The following LNX2 variants were observed in gnomAD, a reference collection of about 807,000 sequenced individuals.
The protein encoded by LNX2 is ligand of Numb protein X 2.
A neutral mutation model predicts 66.2 loss-of-function variants in LNX2; 35 were observed. The observed-to-expected ratio is 0.53, with a 90% CI of 0.40 to 0.70. LNX2 has a LOEUF of 0.70. Among genes scored for constraint, LNX2 ranks in the 30% least tolerant of loss-of-function variants. The probability of loss-of-function intolerance (pLI) is 0.00; values close to 1 mark genes in which losing one functional copy is unlikely to be tolerated. For missense variants in LNX2, 791 were observed against 850.8 expected (o/e 0.93, Z 0.87); for synonymous variants, 337 against 315.6 (o/e 1.07, Z -0.72).
intron 2 of LNX2, among the ~76,000 whole-genome samples, chr13:27,577,298 C>T (rs1955350115): frequency 6.6e-6 from 1 of 152,172 alleles, no homozygotes; most frequent in Admixed American, 6.5e-5. Flanking sequence ...TGCTTTTTCA[C>T]ACCATACATG....
Position 27,597,490 on chromosome 13 carries a change from GTA to G in LNX2, c.-100-15689_-100-15688del, listed in dbSNP as rs1490619666. 2.0e-5 allele frequency among the ~76,000 whole-genome samples: 3 copies of G among 152,244 alleles called. No individual in the cohort carries two copies. In the East Asian group the frequency reaches 5.8e-4, roughly 29 times the overall value. ...GAAATAGTTGATGCACTCTATGTGG[GTA>G]TATGCATGTAACGGGGGTGGATGGA... On this transcript the variant is annotated intron_variant, in intron 1 of 9. Coordinates refer to ENST00000316334, the MANE Select transcript of LNX2 (RefSeq NM_153371.4).
chr13:27,556,380 G>T lies in LNX2; in HGVS notation c.1402C>A (p.His468Asn). ...TGTGGTTCCTTCTTTACAGTAATGT[G>T]TTTTTCTTGGCATGTAACACACTGA... ...LTQCVTCQEK[H>N]ITVKKEPHES... The change falls in exon 7 of 10, where the codon CAC becomes AAC. Residue 468 changes from histidine (H) to asparagine (N), a missense_variant. By Grantham distance (68) the His-to-Asn change is moderately conservative (BLOSUM62 1). Coordinates refer to ENST00000316334, the MANE Select transcript of LNX2 (RefSeq NM_153371.4). The T allele has an allele frequency of 6.2e-7, 1 of 1,613,764 alleles. No homozygotes were observed. Among genetic ancestry groups the T allele is most frequent in the Non-Finnish European group, 8.5e-7 (1 of 1,179,898 alleles).
chr13:27,586,159 C>T (rs565421385), intron 1 of LNX2, among the ~76,000 whole-genome samples: 5 of 150,916 alleles, frequency 3.3e-5, no homozygotes, highest in African/African-American at 1.2e-4. Context: ...CTGTATCTGG[C>T]AAATCATAGG....
At position 27,581,402 on chromosome 13, in the gene LNX2, A is replaced by T. The variant is rs1566123791; in HGVS notation, c.302T>A (p.Ile101Asn). The change falls in exon 2 of 10, where the codon ATT becomes AAT. Residue 101 changes from isoleucine to asparagine, a missense_variant. Physicochemically the swap from Ile to Asn is moderately radical, Grantham distance 149. Transcript: ENST00000316334. ...LHFKLCKKSS[I>N]LVHKLLDKLL... The stretch of plus-strand genomic sequence containing the variant: ...TTTGTCTAGGAGTTTATGAACTAGA[A>T]TACTAGACTTCTTGCACAACTTAAA... The T allele has an allele frequency of 4.4e-6, 7 of 1,606,264 alleles. No homozygotes were observed. Among genetic ancestry groups the T allele is most frequent in the Non-Finnish European group, 6.0e-6 (7 of 1,174,186 alleles).
At chr13:27,571,088 T>C (rs1477049679) in intron 2 of LNX2, among the ~76,000 whole-genome samples, 1 of 152,014 alleles carries the variant, frequency 6.6e-6, no homozygotes, top group Non-Finnish European at 1.5e-5. Context: ...TACAGAAAAA[T>C]TATTTCACTC....
intron 4 of LNX2, among the ~76,000 whole-genome samples, chr13:27,565,969 T>C (rs938349751): frequency 6.6e-6 from 1 of 152,174 alleles, no homozygotes; most frequent in Non-Finnish European, 1.5e-5. Context: ...AGGAGATGGC[T>C]ATTCCCAACA....
At chr13:27,576,665 C>T (rs989464692) in intron 2 of LNX2, among the ~76,000 whole-genome samples, 5 of 151,358 alleles carry the variant, frequency 3.3e-5, no homozygotes, top group Non-Finnish European at 7.4e-5. Context: ...GTGGAGGCTG[C>T]AGTGAGCCAA....
intron 2 of LNX2, among the ~76,000 whole-genome samples, chr13:27,573,355 T>A (rs1197341115): frequency 6.6e-6 from 1 of 151,964 alleles, no homozygotes; most frequent in African/African-American, 2.4e-5. Context: ...GTTTCCTGTA[T>A]GACTGTGTGC....
chr13:27,602,947 A>G (rs1955675146), intron 1 of LNX2, among the ~76,000 whole-genome samples: 2 of 152,202 alleles, frequency 1.3e-5, no homozygotes, highest in African/African-American at 2.4e-5. Context: ...TGAGGTACAT[A>G]AGATATAGTG....
At chr13:27,551,175 T>C (rs184528382) in intron 8 of LNX2, among the ~76,000 whole-genome samples, 76 of 152,254 alleles carry the variant, frequency 5.0e-4, no homozygotes, top group African/African-American at 1.7e-3. Flanking sequence ...GTAGTCCCAG[T>C]TACTGGGAGG....
rs1162664433 is a variant in LNX2 at position 27,581,470 on chromosome 13, T to C, written c.234A>G (p.Leu78=). The part of the protein sequence containing the change: ...TFCYKCLRNF[L]QEKDFCPLDR... ...CCAACGGACAGAAATCTTTCTCTTGTAAAAAGTTTCTGAGGCACTTGTAGC... is the reference window on the plus strand; with the variant it reads ...CCAACGGACAGAAATCTTTCTCTTGCAAAAAGTTTCTGAGGCACTTGTAGC... Residue 78 remains leucine, a synonymous_variant, in exon 2 of 10, where the codon TTA becomes TTG. Coordinates refer to ENST00000316334, the MANE Select transcript of LNX2 (RefSeq NM_153371.4). 1 of 1,611,208 alleles carries C rather than the reference T, an allele frequency of 6.2e-7. No individual in the cohort carries two copies. Among genetic ancestry groups the C allele is most frequent in the African/African-American group, 1.3e-5 (1 of 74,850 alleles).
At chr13:27,586,094 T>C (rs1417814881) in intron 1 of LNX2, among the ~76,000 whole-genome samples, 4 of 145,192 alleles carry the variant, frequency 2.8e-5, no homozygotes, top group Non-Finnish European at 6.1e-5. Context: ...ATCTATATAA[T>C]ATCTAAGTTC....
chr13:27,596,497 C>T (rs1479866026), intron 1 of LNX2, among the ~76,000 whole-genome samples: 2 of 152,118 alleles, frequency 1.3e-5, no homozygotes, highest in Non-Finnish European at 2.9e-5. Flanking sequence ...AGGAAAGGAT[C>T]CCATGGAGAT....
intron 2 of LNX2, among the ~76,000 whole-genome samples, chr13:27,575,834 A>G (rs1955335343): frequency 1.3e-5 from 2 of 152,198 alleles, no homozygotes; most frequent in African/African-American, 4.8e-5. Flanking sequence ...CAGGGTAACC[A>G]CTAAGAAAAT....
intron 1 of LNX2, among the ~76,000 whole-genome samples, chr13:27,612,354 C>T (rs1403024786): frequency 6.6e-6 from 1 of 152,206 alleles, no homozygotes; most frequent in South Asian, 2.1e-4. Flanking sequence ...AAAGTGCCAT[C>T]CACCTCTGAC....
rs1191555639 is a variant in LNX2 at position 27,569,122 on chromosome 13, C to T, written c.562G>A (p.Val188Met). 1 of 1,613,080 alleles carries T rather than the reference C, an allele frequency of 6.2e-7. No individual in the cohort carries two copies. Among genetic ancestry groups the T allele is most frequent in the African/African-American group, 1.3e-5 (1 of 74,820 alleles). Residue 188 changes from valine to methionine, a missense_variant, in exon 3 of 10, where the codon GTG (valine) becomes ATG (methionine). By Grantham distance (21) the Val-to-Met change is conservative (BLOSUM62 1). Coordinates refer to ENST00000316334, the MANE Select transcript of LNX2 (RefSeq NM_153371.4). Reference protein sequence around the residue: ...ADCLGTGAVPVERHLTSASLS... With the variant: ...ADCLGTGAVPMERHLTSASLS... The stretch of plus-strand genomic sequence containing the variant: ...GACGCTGATGTCAAGTGCCGCTCCA[C>T]AGGCACTGCGCCTGTCCCCAAACAG...
At chr13:27,584,390 A>G (rs1324745383) in intron 1 of LNX2, among the ~76,000 whole-genome samples, 1 of 84,274 alleles carries the variant, frequency 1.2e-5, no homozygotes, top group East Asian at 2.6e-4. Flanking sequence ...GTCTCTACAG[A>G]AAAAAAAAAA....
intron 1 of LNX2, among the ~76,000 whole-genome samples, chr13:27,589,257 T>G (rs879602006): frequency 6.6e-6 from 1 of 152,250 alleles, no homozygotes; most frequent in Admixed American, 6.5e-5. Context: ...TCTGGATATT[T>G]AGCTGCATAG....
At chr13:27,611,116 A>C (rs1201255442) in intron 1 of LNX2, among the ~76,000 whole-genome samples, 1 of 152,222 alleles carries the variant, frequency 6.6e-6, no homozygotes, top group East Asian at 1.9e-4. Flanking sequence ...TATACATCCA[A>C]AAGAATTCAA....
Sources: gnomAD v4.1 joint callset for allele counts (sites outside exome capture counted in the v4.1 genomes callset) on GRCh38, gnomAD v4.1.1 for gene constraint, MANE v1.5 for transcripts, NCBI Gene and HGNC (gene_info 2026-07-23, HGNC 2026-07-21) for gene names.